Variants in USP33 observed in about 807,000 individuals in gnomAD.
The protein encoded by USP33 is ubiquitin carboxyl-terminal hydrolase 33.
In USP33, 46 loss-of-function variants were observed where a neutral mutation model predicts 124.2. The observed-to-expected ratio is 0.37, with a 90% CI of 0.29 to 0.47. USP33 has a LOEUF of 0.47. Among genes scored for constraint, USP33 ranks in the 20% least tolerant of loss-of-function variants. The pLI, the probability that USP33 is intolerant of heterozygous loss-of-function variation, is 0.99. For missense variants in USP33, 851 were observed against 1,070.6 expected (o/e 0.79, Z 2.86); for synonymous variants, 350 against 352.3 (o/e 0.99, Z 0.07).
chr1:77,708,672 A>G (rs982832796), intron 21 of USP33, among the ~76,000 whole-genome samples: 11 of 152,218 alleles, frequency 7.2e-5, no homozygotes, highest in African/African-American at 2.7e-4. Flanking sequence ...TGATTTCAGA[A>G]TAAGTTGCTG....
Sources: gnomAD v4.1 joint callset for allele counts (sites outside exome capture counted in the v4.1 genomes callset) on GRCh38, gnomAD v4.1.1 for gene constraint, MANE v1.5 for transcripts, NCBI Gene and HGNC (gene_info 2026-07-23, HGNC 2026-07-21) for gene names.